NR1D2: variants seen among roughly 807,000 people sequenced by gnomAD.
NR1D2 encodes the protein V-erbA-related protein 1-related.
In NR1D2, 25 loss-of-function variants were observed where a neutral mutation model predicts 52.2. The observed-to-expected ratio is 0.48, with a 90% CI of 0.35 to 0.67. The LOEUF (loss-of-function observed/expected upper bound fraction) is 0.67. Among genes scored for constraint, NR1D2 ranks in the 30% least tolerant of loss-of-function variants. The probability of loss-of-function intolerance (pLI) is 0.01; values close to 1 mark genes in which losing one functional copy is unlikely to be tolerated. For synonymous variants in NR1D2, 259 were observed against 230.1 expected (o/e 1.13, Z -1.14); for missense variants, 681 against 707.2 (o/e 0.96, Z 0.42).
intron 3 of NR1D2, among the ~76,000 whole-genome samples, chr3:23,957,390 CTTTTTTT>C (rs201651739): frequency 0.34 from 37,422 of 110,556 alleles, 5,761 homozygotes; most frequent in East Asian, 0.43. Context: ...CTCTATATAT[CTTTTTTT>C]TTTTTTTTTT....
rs1559326787 is a variant in NR1D2, at chr3:23,945,532, C to T, written c.-47C>T. ...GCTGAGGCGGCGGCGGCGGCGCTGCCCCCTCTGCGGGAAGCGGGCGGCCCC... is the reference window on the plus strand; with the variant it reads ...GCTGAGGCGGCGGCGGCGGCGCTGCTCCCTCTGCGGGAAGCGGGCGGCCCC... On this transcript the variant is annotated 5_prime_UTR_variant, in exon 1 of 8. Coordinates refer to ENST00000312521, the MANE Select transcript of NR1D2 (RefSeq NM_005126.5). 9.3e-7 allele frequency: 1 copy of T among 1,074,056 alleles called. No individual in the cohort carries two copies. The highest frequency in any genetic ancestry group is 1.2e-6 in the Non-Finnish European group (1 of 867,210). 66.5% of individuals were successfully genotyped at this position (1,074,056 alleles called of 1,614,324 possible).
intron 7 of NR1D2, among the ~76,000 whole-genome samples, chr3:23,969,971 A>AGG (rs1242940935): frequency 6.6e-6 from 1 of 152,186 alleles, no homozygotes; most frequent in East Asian, 1.9e-4. Context: ...TCAAGGAGGA[A>AGG]GGGGGACAAA....
chr3:23,963,740 C>T (rs751310806), intron 5 of NR1D2, among the ~76,000 whole-genome samples: 5 of 151,962 alleles, frequency 3.3e-5, no homozygotes, highest in Non-Finnish European at 5.9e-5. Context: ...TGAGTCACCA[C>T]GCCTGGCCAA....
At chr3:23,946,148 G>A (rs1705694319) in intron 1 of NR1D2, 2 of 985,096 alleles carry the variant, frequency 2.0e-6, no homozygotes, top group Non-Finnish European at 1.2e-6. Flanking sequence ...GTTGCACACT[G>A]CGGAGGAGGC....
At chr3:23,963,314 G>C (rs371074260) in intron 5 of NR1D2, 5 of 1,346,998 alleles carry the variant, frequency 3.7e-6, no homozygotes, top group Non-Finnish European at 4.9e-6. Context: ...ATAGTGCTTG[G>C]TATTTTCTAC....
rs1428255250 is a variant in NR1D2, at chr3:23,977,420, G to A, written c.*1G>A. The A allele has an allele frequency of 1.9e-6, 3 of 1,576,194 alleles. No individual in the cohort carries two copies. The highest frequency in any genetic ancestry group is 1.7e-6 in the Non-Finnish European group (2 of 1,164,062). On this transcript the variant is annotated 3_prime_UTR_variant, in exon 8 of 8. Transcript: ENST00000312521. ...CTTGGCCTTTAAAGTTCACCCTTAA[G>A]GCCTTTGTTTATTTAAACATGAACT...
At chr3:23,961,268 A>G (rs1434353962) in intron 4 of NR1D2, among the ~76,000 whole-genome samples, 1 of 152,152 alleles carries the variant, frequency 6.6e-6, no homozygotes. Context: ...GTGTAGCTGA[A>G]TCACACATGC....
intron 5 of NR1D2, among the ~76,000 whole-genome samples, chr3:23,964,058 A>G (rs1706370541): frequency 6.6e-6 from 1 of 151,426 alleles, no homozygotes; most frequent in African/African-American, 2.4e-5. Context: ...TGTTTTTGAA[A>G]TAAATGGGCA....
chr3:23,951,266 A>G (rs1290119110), intron 1 of NR1D2, among the ~76,000 whole-genome samples: 2 of 152,180 alleles, frequency 1.3e-5, no homozygotes, highest in South Asian at 2.1e-4. Flanking sequence ...GTGAACATAA[A>G]TGACTGAAAA....
chr3:23,957,228 C>T (rs1706102309), intron 3 of NR1D2, among the ~76,000 whole-genome samples: 1 of 151,730 alleles, frequency 6.6e-6, no homozygotes. Context: ...GGTGATCTGC[C>T]CGCCTCGGCT....
rs569178741 is a variant in NR1D2, at chr3:23,980,336, T to A, written c.*2917T>A. On this transcript the variant is annotated 3_prime_UTR_variant, in exon 8 of 8. Transcript: ENST00000312521. ...AGAGTTTATCACTTAGGATATAGAATTTTTTTAGGGGTTGGGGGAGGGGAT... is the reference window on the plus strand; with the variant it reads ...AGAGTTTATCACTTAGGATATAGAAATTTTTTAGGGGTTGGGGGAGGGGAT... 6.6e-6 allele frequency: 1 copy of A among 152,094 alleles called. No individual in the cohort carries two copies. Among genetic ancestry groups the A allele is most frequent in the East Asian group, 1.9e-4 (1 of 5,200 alleles). The allele number at this position is 152,094 out of a possible 1,614,324, so 9.4% of individuals were successfully genotyped here.
intron 7 of NR1D2, among the ~76,000 whole-genome samples, chr3:23,972,780 G>A (rs1230064155): frequency 6.6e-6 from 1 of 152,132 alleles, no homozygotes; most frequent in African/African-American, 2.4e-5. Flanking sequence ...TTCAACATGT[G>A]TACTCTTAAC....
intron 6 of NR1D2, among the ~76,000 whole-genome samples, chr3:23,965,541 C>T (rs1004645035): frequency 1.3e-5 from 2 of 151,788 alleles, no homozygotes; most frequent in African/African-American, 4.8e-5. Context: ...AGCCACTGTG[C>T]CCGGCAGATG....
chr3:23,949,713 CTT>C (rs973571847), intron 1 of NR1D2, among the ~76,000 whole-genome samples: 2 of 152,176 alleles, frequency 1.3e-5, no homozygotes, highest in African/African-American at 4.8e-5. Context: ...ATTTATAACA[CTT>C]TTAAAATGAG....
rs1382376175 is a variant in NR1D2 at position 23,954,593 on chromosome 3, C to T, written c.73C>T (p.His25Tyr). 23 of 1,613,836 alleles carry T rather than the reference C, an allele frequency of 1.4e-5. No individual in the cohort carries two copies. Among genetic ancestry groups the T allele is most frequent in the Non-Finnish European group, 1.9e-5 (23 of 1,179,852 alleles). ...SSSASSPASCHSEGSENSFQS... is the reference protein window; with the variant it reads ...SSSASSPASCYSEGSENSFQS... ...CTCAGCCTCAAGCCCTGCCTCTTGTCACAGTGAGGGTTCTGAGAATAGTTT... is the reference window on the plus strand; with the variant it reads ...CTCAGCCTCAAGCCCTGCCTCTTGTTACAGTGAGGGTTCTGAGAATAGTTT... The change falls in exon 2 of 8, where the codon CAC becomes TAC. Residue 25 changes from histidine to tyrosine, a missense_variant. Around this residue, in one of 3 missense-constraint regions of NR1D2, gnomAD observed 94 missense variants for 90.4 expected, o/e 1.04. Transcript: ENST00000312521.
intron 3 of NR1D2, 26 bp from the exon 4 acceptor site, chr3:23,959,645 G>T: frequency 6.2e-7 from 1 of 1,601,070 alleles, no homozygotes; most frequent in Non-Finnish European, 8.5e-7. Context: ...TTTTAAATGG[G>T]TAAGTAAATC....
intron 7 of NR1D2, among the ~76,000 whole-genome samples, chr3:23,974,132 G>A (rs1468537928): frequency 7.0e-6 from 1 of 142,980 alleles, no homozygotes; most frequent in East Asian, 2.0e-4. Context: ...AGGGACGGGC[G>A]AGGTGGCTCA....
At chr3:23,958,642 T>TA (rs35959367) in intron 3 of NR1D2, among the ~76,000 whole-genome samples, 4,494 of 98,042 alleles carry the variant, frequency 0.046, 111 homozygotes, top group African/African-American at 0.062. Flanking sequence ...CCTGTCTCTT[T>TA]AAAAAAAAAA....
chr3:23,974,159 A>G (rs1026324258), intron 7 of NR1D2, among the ~76,000 whole-genome samples: 2 of 129,210 alleles, frequency 1.5e-5, no homozygotes, highest in Admixed American at 2.0e-4. Flanking sequence ...TAATCCCAGC[A>G]CTTGGTGAGG....
Sources: gnomAD v4.1 joint callset for allele counts (sites outside exome capture counted in the v4.1 genomes callset) on GRCh38, gnomAD v4.1.1 for gene constraint, gnomAD v4.1.1 regional missense constraint, MANE v1.5 for transcripts, NCBI Gene and HGNC (gene_info 2026-07-23, HGNC 2026-07-21) for gene names.